Variants in LHFPL6 observed in about 807,000 individuals in gnomAD.
The protein encoded by LHFPL6 is LHFPL tetraspan subfamily member 6 protein.
LHFPL6 carries 9 observed loss-of-function variants against 20.6 expected under a neutral mutation model. The ratio of observed to expected loss-of-function variants is 0.44; its 90% CI spans 0.26 to 0.76. The LOEUF (loss-of-function observed/expected upper bound fraction) is 0.76. Among genes scored for constraint, LHFPL6 ranks in the 30% least tolerant of loss-of-function variants. LHFPL6 has a pLI of 0.20. For missense variants in LHFPL6, 218 were observed against 253.5 expected (o/e 0.86, Z 0.95); for synonymous variants, 105 against 98.7 (o/e 1.06, Z -0.38).
intron 2 of LHFPL6, among the ~76,000 whole-genome samples, chr13:39,423,134 A>G (rs1232335472): frequency 6.6e-6 from 1 of 152,200 alleles, no homozygotes; most frequent in African/African-American, 2.4e-5. Context: ...CAGCCAAACC[A>G]CATCACCAAG....
chr13:39,430,868 A>C (rs1593310284), intron 2 of LHFPL6, among the ~76,000 whole-genome samples: 1 of 152,144 alleles, frequency 6.6e-6, no homozygotes, highest in South Asian at 2.1e-4. Context: ...GGGAAGAAAA[A>C]CTGGTTATCC....
At chr13:39,437,408 C>A (rs757325289) in intron 2 of LHFPL6, among the ~76,000 whole-genome samples, 8 of 152,118 alleles carry the variant, frequency 5.3e-5, no homozygotes, top group Non-Finnish European at 7.4e-5. Flanking sequence ...TATATAGCAC[C>A]TCCCCACTCC....
At chr13:39,435,452 G>A (rs1871933340) in intron 2 of LHFPL6, among the ~76,000 whole-genome samples, 1 of 152,120 alleles carries the variant, frequency 6.6e-6, no homozygotes, top group African/African-American at 2.4e-5. Context: ...TTTAGATGAG[G>A]TCATTAGTGG....
chr13:39,586,746 C>T (rs1205325708), intron 2 of LHFPL6, among the ~76,000 whole-genome samples: 1 of 152,188 alleles, frequency 6.6e-6, no homozygotes, highest in Admixed American at 6.5e-5. Flanking sequence ...AGGCCTGTAA[C>T]TGCCTTTCCT....
At chr13:39,477,245 A>G (rs952412329) in intron 2 of LHFPL6, among the ~76,000 whole-genome samples, 2 of 151,794 alleles carry the variant, frequency 1.3e-5, no homozygotes, top group Admixed American at 6.6e-5. Flanking sequence ...TAACTATTCC[A>G]TCTTTGTCGG....
At chr13:39,466,177 C>T (rs10492734) in intron 2 of LHFPL6, among the ~76,000 whole-genome samples, 14,169 of 152,150 alleles carry the variant, frequency 0.093, 1,263 homozygotes, top group East Asian at 0.51. Flanking sequence ...ATCTTAAAAA[C>T]GTTCAGCCTA....
intron 2 of LHFPL6, among the ~76,000 whole-genome samples, chr13:39,570,656 T>A (rs561290629): frequency 1.2e-4 from 18 of 152,066 alleles, no homozygotes; most frequent in Non-Finnish European, 2.5e-4. Flanking sequence ...GCAATTACCA[T>A]TTGCAGCAAC....
intron 2 of LHFPL6, among the ~76,000 whole-genome samples, chr13:39,595,122 T>A (rs1872731133): frequency 6.6e-6 from 1 of 151,428 alleles, no homozygotes; most frequent in Admixed American, 6.6e-5. Flanking sequence ...TATAATAAAA[T>A]AAATAAATAA....
intron 2 of LHFPL6, among the ~76,000 whole-genome samples, chr13:39,583,598 T>G (rs1201140746): frequency 1.3e-5 from 2 of 152,176 alleles, no homozygotes; most frequent in African/African-American, 4.8e-5. Context: ...ATTACAATAA[T>G]GGTTACCTCT....
chr13:39,491,226 T>A (rs1593333890), intron 2 of LHFPL6, among the ~76,000 whole-genome samples: 1 of 152,198 alleles, frequency 6.6e-6, no homozygotes, highest in African/African-American at 2.4e-5. Flanking sequence ...GGGTAACTTA[T>A]GATTGGGGAT....
intron 2 of LHFPL6, among the ~76,000 whole-genome samples, chr13:39,579,719 A>C (rs769746200): frequency 1.3e-5 from 2 of 152,180 alleles, no homozygotes; most frequent in Non-Finnish European, 2.9e-5. Context: ...TTGAGCCCTA[A>C]TCTTAGAAAA....
chr13:39,528,653 G>A (rs1479234135), intron 2 of LHFPL6, among the ~76,000 whole-genome samples: 1 of 152,150 alleles, frequency 6.6e-6, no homozygotes, highest in Admixed American at 6.5e-5. Flanking sequence ...AAAGTGGCAG[G>A]CAAGATAAAA....
rs141924257 is a variant in LHFPL6, at chr13:39,467,423, T to C, written c.386-88897A>G. Among the ~76,000 whole-genome samples, 702 of 152,252 alleles carry C rather than the reference T, an allele frequency of 4.6e-3. 3 individuals are homozygous for C. Among genetic ancestry groups the C allele is most frequent in the Middle Eastern group, 0.017 (5 of 294 alleles). On this transcript the variant is annotated intron_variant, in intron 2 of 3. Coordinates refer to ENST00000379589, the MANE Select transcript of LHFPL6 (RefSeq NM_005780.3). ...GGGTTAAGGAATCCTCTTGCCTGTG[T>C]TGGGGCTCAGCAAACAATACCCTGA... is the stretch of plus-strand genomic sequence containing the variant.
chr13:39,355,423 C>T (rs1217571695), intron 3 of LHFPL6, among the ~76,000 whole-genome samples: 1 of 152,036 alleles, frequency 6.6e-6, no homozygotes, highest in Non-Finnish European at 1.5e-5. Context: ...GTACCTGATA[C>T]CACAAAAACA....
At position 39,490,063 on chromosome 13, in the gene LHFPL6, GACA is replaced by G. The variant is rs1018702226; in HGVS notation, c.385+110766_385+110768del. 4.7e-3 allele frequency among the ~76,000 whole-genome samples: 704 copies of G among 150,356 alleles called. 6 individuals are homozygous for G. The highest frequency in any genetic ancestry group is 0.016 in the African/African-American group (668 of 40,806). ...TTTTGCCTACAGTTGGAAACCTGGAGACAACAAGTAATAACAGATTAAACAAAC... is the reference window on the plus strand; with the variant it reads ...TTTTGCCTACAGTTGGAAACCTGGAGACAAGTAATAACAGATTAAACAAAC... On this transcript the variant is annotated intron_variant, in intron 2 of 3. Transcript: ENST00000379589.
At chr13:39,564,521 G>A (rs576649953) in intron 2 of LHFPL6, among the ~76,000 whole-genome samples, 4 of 152,060 alleles carry the variant, frequency 2.6e-5, no homozygotes, top group Non-Finnish European at 5.9e-5. Context: ...GACTCTGCTT[G>A]TGATGCACCA....
chr13:39,538,140 C>T (rs990958445), intron 2 of LHFPL6, among the ~76,000 whole-genome samples: 2 of 151,790 alleles, frequency 1.3e-5, no homozygotes, highest in Non-Finnish European at 2.9e-5. Context: ...CAGGTGCACA[C>T]CACCACAGCT....
intron 2 of LHFPL6, among the ~76,000 whole-genome samples, chr13:39,420,993 G>A (rs1236104197): frequency 1.3e-5 from 2 of 152,024 alleles, no homozygotes; most frequent in Non-Finnish European, 2.9e-5. Context: ...AAATACTTTG[G>A]TAACAGAATT....
At chr13:39,425,337 C>T (rs1871610499) in intron 2 of LHFPL6, among the ~76,000 whole-genome samples, 1 of 152,138 alleles carries the variant, frequency 6.6e-6, no homozygotes, top group South Asian at 2.1e-4. Flanking sequence ...TGTGTTCTTT[C>T]CAGTGCTTGA....
Sources: allele counts gnomAD v4.1 joint callset (sites outside exome capture counted in the v4.1 genomes callset), GRCh38; gene constraint gnomAD v4.1.1; transcripts MANE v1.5; gene names NCBI Gene and HGNC (gene_info 2026-07-23, HGNC 2026-07-21).